Variants in CSMD1 observed in about 807,000 individuals in gnomAD.
The protein encoded by CSMD1 is CUB and sushi domain-containing protein 1.
Under a neutral mutation model 417.5 loss-of-function variants are expected in CSMD1, and 213 were observed. The observed-to-expected ratio is 0.51, with a 90% CI of 0.46 to 0.57. The LOEUF is 0.57. Ranked by LOEUF, CSMD1 falls within the 20% of genes least tolerant of loss-of-function variation. The probability of loss-of-function intolerance (pLI) is 0.00; values close to 1 mark genes in which losing one functional copy is unlikely to be tolerated. For missense variants in CSMD1, 6,923 were observed against 4,529.7 expected (o/e 1.53, Z -15.17); for synonymous variants, 2,862 against 1,736.8 (o/e 1.65, Z -16.11).
chr8:3,188,520 T>G (rs1314990025), intron 35 of CSMD1, among the ~76,000 whole-genome samples: 1 of 151,932 alleles, frequency 6.6e-6, no homozygotes, highest in East Asian at 1.9e-4. Context: ...TTGGCCAGGC[T>G]AGTCTTGAAC....
chr8:4,047,853 A>G (rs1215707002), intron 3 of CSMD1, among the ~76,000 whole-genome samples: 1 of 152,160 alleles, frequency 6.6e-6, no homozygotes, highest in Non-Finnish European at 1.5e-5. Flanking sequence ...TATGAAGTAG[A>G]GGATCAGATC....
At chr8:4,526,359 A>T (rs1321517686) in intron 2 of CSMD1, among the ~76,000 whole-genome samples, 1 of 152,258 alleles carries the variant, frequency 6.6e-6, no homozygotes, top group Non-Finnish European at 1.5e-5. Flanking sequence ...CACGCTGACC[A>T]TGAAGATCGT....
chr8:4,522,310 GC>G (rs1585198077), intron 2 of CSMD1, among the ~76,000 whole-genome samples: 1 of 152,296 alleles, frequency 6.6e-6, no homozygotes. Context: ...GGCCTCCCCA[GC>G]CATGTGGAAC....
chr8:3,850,149 C>T (rs1194071060), intron 5 of CSMD1, among the ~76,000 whole-genome samples: 1 of 152,180 alleles, frequency 6.6e-6, no homozygotes, highest in Admixed American at 6.5e-5. Context: ...TAGGGCATAT[C>T]CCTTATGAAT....
At chr8:4,832,542 G>A (rs566096424) in intron 1 of CSMD1, among the ~76,000 whole-genome samples, 1 of 152,148 alleles carries the variant, frequency 6.6e-6, no homozygotes, top group Non-Finnish European at 1.5e-5. Context: ...GAGGCATGAG[G>A]TATGCAAGGT....
At chr8:4,454,015 G>C (rs922904496) in intron 2 of CSMD1, among the ~76,000 whole-genome samples, 7 of 151,600 alleles carry the variant, frequency 4.6e-5, no homozygotes, top group Non-Finnish European at 1.0e-4. Flanking sequence ...GTAGAGACGG[G>C]GTTTCACCGT....
At chr8:4,151,769 A>G (rs1373677973) in intron 3 of CSMD1, among the ~76,000 whole-genome samples, 2 of 152,220 alleles carry the variant, frequency 1.3e-5, no homozygotes, top group Non-Finnish European at 2.9e-5. Context: ...CTAGTGCCAC[A>G]TTTCTTCTGC....
At chr8:3,818,520 C>G (rs933293645) in intron 5 of CSMD1, among the ~76,000 whole-genome samples, 1 of 152,056 alleles carries the variant, frequency 6.6e-6, no homozygotes, top group Non-Finnish European at 1.5e-5. Flanking sequence ...GCAGATTAGA[C>G]CAGGGTAGGC....
At chr8:3,228,044 A>G (rs1429900628) in intron 27 of CSMD1, among the ~76,000 whole-genome samples, 1 of 152,210 alleles carries the variant, frequency 6.6e-6, no homozygotes, top group Admixed American at 6.5e-5. Context: ...CTGGGATTAC[A>G]GGTGTGAGCC....
At chr8:3,434,103 A>T (rs1317271947) in intron 12 of CSMD1, among the ~76,000 whole-genome samples, 2 of 152,352 alleles carry the variant, frequency 1.3e-5, no homozygotes, top group East Asian at 1.9e-4. Flanking sequence ...TGCTTTCCAG[A>T]GTAACCTTAG....
chr8:4,289,333 C>T (rs141277233), intron 3 of CSMD1, among the ~76,000 whole-genome samples: 9 of 152,290 alleles, frequency 5.9e-5, no homozygotes, highest in African/African-American at 9.6e-5. Context: ...AACTCCCATA[C>T]ATTTAAAATA....
chr8:3,555,332 G>A (rs1585357140), intron 10 of CSMD1, among the ~76,000 whole-genome samples: 1 of 152,100 alleles, frequency 6.6e-6, no homozygotes, highest in African/African-American at 2.4e-5. Context: ...TCTGTTCTTG[G>A]GACACGTTCA....
chr8:3,881,627 A>T, intron 5 of CSMD1, among the ~76,000 whole-genome samples: 1 of 137,352 alleles, frequency 7.3e-6, no homozygotes, highest in Non-Finnish European at 1.5e-5. Context: ...AAAAAACAAA[A>T]ACAAAAACAA....
intron 4 of CSMD1, among the ~76,000 whole-genome samples, chr8:4,008,560 T>C (rs771054612): frequency 6.6e-6 from 1 of 150,690 alleles, no homozygotes; most frequent in African/African-American, 2.4e-5. Flanking sequence ...TTGTTAAAGT[T>C]AGCACACAAC....
chr8:4,314,500 C>G (rs528875190), intron 3 of CSMD1, among the ~76,000 whole-genome samples: 5 of 152,222 alleles, frequency 3.3e-5, no homozygotes, highest in East Asian at 1.9e-4. Flanking sequence ...TCTAAGCAGT[C>G]TGGACTTTGC....
chr8:4,407,922 C>T (rs1796414503), intron 3 of CSMD1, among the ~76,000 whole-genome samples: 1 of 152,112 alleles, frequency 6.6e-6, no homozygotes, highest in African/African-American at 2.4e-5. Flanking sequence ...GAAACGTGTT[C>T]AGCATCTTAT....
At chr8:4,485,778 C>G (rs1017185195) in intron 2 of CSMD1, among the ~76,000 whole-genome samples, 2 of 152,094 alleles carry the variant, frequency 1.3e-5, no homozygotes, top group African/African-American at 4.8e-5. Context: ...TGGTGACATA[C>G]TGAAATGCAT....
At chr8:4,044,233 T>C (rs1378985495) in intron 3 of CSMD1, among the ~76,000 whole-genome samples, 1 of 152,218 alleles carries the variant, frequency 6.6e-6, no homozygotes, top group Non-Finnish European at 1.5e-5. Flanking sequence ...ACAAATAACT[T>C]ATTTTCTCAT....
intron 3 of CSMD1, among the ~76,000 whole-genome samples, chr8:4,316,798 T>G (rs1439421460): frequency 1.3e-5 from 2 of 152,270 alleles, no homozygotes; most frequent in East Asian, 3.9e-4. Context: ...ATCTATATTG[T>G]GCTTCCCTCA....
Sources: gnomAD v4.1 joint callset for allele counts (sites outside exome capture counted in the v4.1 genomes callset) on GRCh38, gnomAD v4.1.1 for gene constraint, MANE v1.5 for transcripts, NCBI Gene and HGNC (gene_info 2026-07-23, HGNC 2026-07-21) for gene names.